TFEC: variants seen among roughly 807,000 people sequenced by gnomAD.
TFEC encodes transcription factor EC.
A neutral mutation model predicts 41.6 loss-of-function variants in TFEC; 31 were observed. The ratio of observed to expected loss-of-function variants is 0.74; its 90% CI spans 0.56 to 1.01. The LOEUF (loss-of-function observed/expected upper bound fraction) is 1.01. Ranked by LOEUF, TFEC falls within the 50% of genes least tolerant of loss-of-function variation. The probability of loss-of-function intolerance (pLI) is 0.00; values close to 1 mark genes in which losing one functional copy is unlikely to be tolerated. For missense variants in TFEC, 402 were observed against 404.1 expected, an observed-to-expected ratio of 0.99 and a Z score of 0.04; for synonymous variants, 143 against 140.6, an observed-to-expected ratio of 1.02 and a Z score of -0.12.
chr7:116,103,111 C>T (rs1157067730), intron 3 of TFEC, among the ~76,000 whole-genome samples: 1 of 151,984 alleles, frequency 6.6e-6, no homozygotes, highest in African/African-American at 2.4e-5. Flanking sequence ...ATGGTAATAA[C>T]GATTACCTGA....
chr7:115,951,328 C>T (rs1197614458), intron 5 of TFEC, among the ~76,000 whole-genome samples: 2 of 152,054 alleles, frequency 1.3e-5, no homozygotes, highest in African/African-American at 4.8e-5. Context: ...GTGCAACACT[C>T]TTTACTCTTC....
chr7:116,147,931 G>A (rs1368157476), intron 1 of TFEC, among the ~76,000 whole-genome samples: 1 of 152,088 alleles, frequency 6.6e-6, no homozygotes. Flanking sequence ...TTCAATGGGG[G>A]GAAGAGCCAA....
intron 1 of TFEC, among the ~76,000 whole-genome samples, chr7:116,155,427 G>C (rs1798849935): frequency 1.3e-5 from 2 of 152,140 alleles, no homozygotes; most frequent in Non-Finnish European, 2.9e-5. Context: ...ACTTCTTACT[G>C]TGCCATTGGG....
chr7:116,013,408 T>C (rs1268519311), intron 1 of TFEC, among the ~76,000 whole-genome samples: 1 of 152,078 alleles, frequency 6.6e-6, no homozygotes, highest in African/African-American at 2.4e-5. Context: ...AAATTATTTA[T>C]AGTTATAAAA....
In TFEC at chr7:116,042,966, C is replaced by T. The variant is rs971328454; in HGVS notation, c.199-58453G>A. On this transcript the variant is annotated intron_variant, in intron 3 of 8. Coordinates refer to the TFEC transcript ENST00000484212. ...TATGTGAGAGAGCTGATCACAAATA[C>T]ATGTACTTTTGTTGCTAAAACTTGA... Among the ~76,000 whole-genome samples, 6 of 152,210 alleles carry T rather than the reference C, an allele frequency of 3.9e-5. 1 individual carries two copies. In the South Asian group the frequency reaches 1.0e-3, roughly 26 times the overall value.
At chr7:115,983,049 G>A (rs1253477067) in intron 2 of TFEC, among the ~76,000 whole-genome samples, 1 of 152,052 alleles carries the variant, frequency 6.6e-6, no homozygotes. Flanking sequence ...GGGAGAAGTA[G>A]TTGTAGGATA....
At chr7:116,015,006 T>C (rs574854035) in intron 1 of TFEC, among the ~76,000 whole-genome samples, 1 of 152,160 alleles carries the variant, frequency 6.6e-6, no homozygotes, top group South Asian at 2.1e-4. Context: ...TGTAAGATAA[T>C]AAATTTGTGT....
chr7:116,133,806 G>A (rs1188918235), intron 1 of TFEC, among the ~76,000 whole-genome samples: 2 of 152,190 alleles, frequency 1.3e-5, no homozygotes, highest in Admixed American at 1.3e-4. Flanking sequence ...ATGAATAGCA[G>A]CTTTTTAGAT....
At chr7:116,049,076 C>G (rs373258578) in intron 3 of TFEC, among the ~76,000 whole-genome samples, 1 of 152,126 alleles carries the variant, frequency 6.6e-6, no homozygotes, top group African/African-American at 2.4e-5. Flanking sequence ...CATCAACTAA[C>G]GAGCAAAATA....
At chr7:116,058,896 G>C (rs1259639378) in intron 3 of TFEC, among the ~76,000 whole-genome samples, 1 of 151,832 alleles carries the variant, frequency 6.6e-6, no homozygotes, top group East Asian at 1.9e-4. Flanking sequence ...AAGCAATATT[G>C]AGGGACGAAT....
At chr7:116,082,298 C>T (rs964097060) in intron 3 of TFEC, among the ~76,000 whole-genome samples, 2 of 151,998 alleles carry the variant, frequency 1.3e-5, no homozygotes, top group Admixed American at 1.3e-4. Flanking sequence ...AAATTCACTA[C>T]TGCATCCAAA....
intron 1 of TFEC, among the ~76,000 whole-genome samples, chr7:116,003,184 C>A (rs977397734): frequency 1.3e-5 from 2 of 151,920 alleles, no homozygotes; most frequent in African/African-American, 4.8e-5. Context: ...AAAAGTAGGG[C>A]TAGGCCAGGC....
chr7:116,027,374 G>T (rs2130877490), intron 1 of TFEC, among the ~76,000 whole-genome samples: 1 of 152,008 alleles, frequency 6.6e-6, no homozygotes. Context: ...TGAGTCCAGG[G>T]GTTTGAGACC....
At chr7:115,955,373 T>C (rs528069635) in intron 4 of TFEC, among the ~76,000 whole-genome samples, 1 of 152,194 alleles carries the variant, frequency 6.6e-6, no homozygotes, top group Middle Eastern at 3.4e-3. Context: ...AACTTTCACA[T>C]TGGCATCTCT....
intron 2 of TFEC, among the ~76,000 whole-genome samples, chr7:115,983,890 A>T (rs1193188815): frequency 6.6e-6 from 1 of 152,134 alleles, no homozygotes; most frequent in African/African-American, 2.4e-5. Context: ...ACTGCTATTT[A>T]AGTAATTTCT....
At chr7:116,089,791 C>T (rs917665621) in intron 3 of TFEC, among the ~76,000 whole-genome samples, 1 of 152,040 alleles carries the variant, frequency 6.6e-6, no homozygotes, top group African/African-American at 2.4e-5. Context: ...GTTAATTAAC[C>T]ACTAGCTATG....
At chr7:116,125,138 T>G (rs896483686) in intron 1 of TFEC, among the ~76,000 whole-genome samples, 7 of 152,162 alleles carry the variant, frequency 4.6e-5, no homozygotes, top group Middle Eastern at 3.4e-3. Context: ...TAATAAGAAA[T>G]GGACAGCAGG....
chr7:116,135,829 A>G (rs1263335076), intron 1 of TFEC, among the ~76,000 whole-genome samples: 1 of 152,088 alleles, frequency 6.6e-6, no homozygotes, highest in African/African-American at 2.4e-5. Context: ...TATGAGGAGA[A>G]TTTGCATTTC....
intron 3 of TFEC, among the ~76,000 whole-genome samples, chr7:116,052,674 A>G (rs60064047): frequency 0.61 from 92,763 of 151,194 alleles, 28,967 homozygotes; most frequent in East Asian, 0.74. Flanking sequence ...TGATCCACCC[A>G]CCTTAGCCTC....
Sources: gnomAD v4.1 joint callset for allele counts (sites outside exome capture counted in the v4.1 genomes callset) on GRCh38, gnomAD v4.1.1 for gene constraint, MANE v1.5 for transcripts, NCBI Gene and HGNC (gene_info 2026-07-23, HGNC 2026-07-21) for gene names.